Variants in SSTR4 observed in about 807,000 individuals in gnomAD.
SSTR4 encodes the protein somatostatin receptor 4.
For synonymous variants in SSTR4, 272 were observed against 246.3 expected (o/e 1.10, Z -0.98); for missense variants, 649 against 540.6 (o/e 1.20, Z -1.99).
rs1273245911 is a variant in SSTR4 at position 23,035,870 on chromosome 20, C to A, written c.387C>A (p.Asn129Lys). ...CGGTGCTCAGCGTCGACGGCCTCAACATGTTCACCAGCGTCTTCTGTCTCA... is the reference window on the plus strand; with the variant it reads ...CGGTGCTCAGCGTCGACGGCCTCAAAATGTTCACCAGCGTCTTCTGTCTCA... ...CRAVLSVDGL[N>K]MFTSVFCLTV... Residue 129 changes from asparagine to lysine, a missense_variant, in exon 1 of 1, where the codon AAC becomes AAA. Coordinates refer to ENST00000255008, the MANE Select transcript of SSTR4 (RefSeq NM_001052.4). 2 of 1,612,024 alleles carry A rather than the reference C, an allele frequency of 1.2e-6. No individual in the cohort carries two copies. Among genetic ancestry groups the A allele is most frequent in the African/African-American group, 1.3e-5 (1 of 75,030 alleles).
Position 23,036,121 on chromosome 20 carries a change from T to A in SSTR4, c.638T>A (p.Val213Asp). 1 of 1,604,490 alleles carries A rather than the reference T, an allele frequency of 6.2e-7. No homozygotes were observed. Among genetic ancestry groups the A allele is most frequent in the Non-Finnish European group, 8.5e-7 (1 of 1,179,742 alleles). The part of the protein sequence containing the change: ...PHPAWSAVFV[V>D]YTFLLGFLLP... Reference sequence around the variant, plus strand: ...CCGGCCTGGTCGGCAGTCTTCGTGGTCTACACTTTCCTGCTGGGCTTCCTG... The same window carrying A: ...CCGGCCTGGTCGGCAGTCTTCGTGGACTACACTTTCCTGCTGGGCTTCCTG... The change falls in exon 1 of 1, where the codon GTC becomes GAC. Residue 213 changes from valine (V) to aspartate (D), a missense_variant. Transcript: ENST00000255008.
chr20:23,036,566 C>T lies in SSTR4; in HGVS notation c.1083C>T (p.Cys361=). The change falls in exon 1 of 1, where the codon TGC becomes TGT. Residue 361 remains cysteine, a synonymous_variant. Coordinates refer to ENST00000255008, the MANE Select transcript of SSTR4 (RefSeq NM_001052.4). The part of the protein sequence containing the change: ...LKSKGGAGCM[C]PPLPCQQEAL... ...GCAAAGGTGGGGCAGGGTGCATGTG[C>T]CCCCCACTCCCCTGCCAGCAGGAAG... The T allele has an allele frequency of 1.2e-6, 2 of 1,605,572 alleles. No individual in the cohort carries two copies. Among genetic ancestry groups the T allele is most frequent in the South Asian group, 1.1e-5 (1 of 89,936 alleles).
rs150262767 is a variant in SSTR4 at position 23,038,754 on chromosome 20, G to A, written c.*2104G>A. On this transcript the variant is annotated 3_prime_UTR_variant, in exon 1 of 1. Transcript: ENST00000255008. Reference sequence around the variant, plus strand: ...GAGACACGCGAATCAAATGGTGGGAGGGCAGGAGATAGCACGCTTCTCTGC... The same window carrying A: ...GAGACACGCGAATCAAATGGTGGGAAGGCAGGAGATAGCACGCTTCTCTGC... 6.6e-6 allele frequency among the ~76,000 whole-genome samples: 1 copy of A among 152,204 alleles called. No individual in the cohort carries two copies. Among genetic ancestry groups the A allele is most frequent in the Non-Finnish European group, 1.5e-5 (1 of 68,040 alleles).
In SSTR4 at chr20:23,038,671, G is replaced by A. The variant is rs1984391719; in HGVS notation, c.*2021G>A. Among the ~76,000 whole-genome samples, 1 of 152,196 alleles carries A rather than the reference G, an allele frequency of 6.6e-6. No homozygotes were observed. The highest frequency in any genetic ancestry group is 2.4e-5 in the African/African-American group (1 of 41,446). ...TTCCCACTTGGAATATGTGCCAAGGGAGGTTCGAGTTTTGAGCTCTTCCCA... is the reference window on the plus strand; with the variant it reads ...TTCCCACTTGGAATATGTGCCAAGGAAGGTTCGAGTTTTGAGCTCTTCCCA... On this transcript the variant is annotated 3_prime_UTR_variant, in exon 1 of 1. Coordinates refer to ENST00000255008, the MANE Select transcript of SSTR4 (RefSeq NM_001052.4).
Position 23,037,537 on chromosome 20 carries a change from C to A in SSTR4, c.*887C>A, listed in dbSNP as rs1317619345. Reference sequence around the variant, plus strand: ...CCCAGGTTTTGGATAGAGGAAGCAGCTTCATCACCACCCCCTATTTTAGAA... The same window carrying A: ...CCCAGGTTTTGGATAGAGGAAGCAGATTCATCACCACCCCCTATTTTAGAA... On this transcript the variant is annotated 3_prime_UTR_variant, in exon 1 of 1. Coordinates refer to ENST00000255008, the MANE Select transcript of SSTR4 (RefSeq NM_001052.4). 2.0e-5 allele frequency among the ~76,000 whole-genome samples: 3 copies of A among 152,154 alleles called. No individual in the cohort carries two copies. Among genetic ancestry groups the A allele is most frequent in the Admixed American group, 6.5e-5 (1 of 15,280 alleles).
Position 23,038,735 on chromosome 20 carries a change from C to A in SSTR4, c.*2085C>A, listed in dbSNP as rs568684117. ...CATTGGCAGAGACACCGTGGAGACA[C>A]GCGAATCAAATGGTGGGAGGGCAGG... On this transcript the variant is annotated 3_prime_UTR_variant, in exon 1 of 1. Transcript: ENST00000255008. Among the ~76,000 whole-genome samples, 12 of 152,292 alleles carry A rather than the reference C, an allele frequency of 7.9e-5. No homozygotes were observed. The highest frequency in any genetic ancestry group is 2.1e-4 in the South Asian group (1 of 4,830).
chr20:23,036,572 A>G lies in SSTR4; in HGVS notation c.1089A>G (p.Pro363=). 1.2e-6 allele frequency: 2 copies of G among 1,603,872 alleles called. No individual in the cohort carries two copies. Among genetic ancestry groups the G allele is most frequent in the Non-Finnish European group, 1.7e-6 (2 of 1,175,528 alleles). ...SKGGAGCMCP[P]LPCQQEALQP... ...GTGGGGCAGGGTGCATGTGCCCCCCACTCCCCTGCCAGCAGGAAGCCCTGC... is the reference window on the plus strand; with the variant it reads ...GTGGGGCAGGGTGCATGTGCCCCCCGCTCCCCTGCCAGCAGGAAGCCCTGC... The change falls in exon 1 of 1, where the codon CCA becomes CCG. Residue 363 remains proline, a synonymous_variant. Coordinates refer to ENST00000255008, the MANE Select transcript of SSTR4 (RefSeq NM_001052.4).
Position 23,036,891 on chromosome 20 carries a change from T to A in SSTR4, c.*241T>A, listed in dbSNP as rs1984346078. 1 of 477,700 alleles carries A rather than the reference T, an allele frequency of 2.1e-6. No individual in the cohort carries two copies. The highest frequency in any genetic ancestry group is 3.7e-6 in the Non-Finnish European group (1 of 273,156). The allele number at this position is 477,700 out of a possible 1,614,324, so 29.6% of individuals were successfully genotyped here. A position where few individuals can be genotyped will look rare whatever the true frequency, so the allele number is the denominator to read the frequency against. Reference sequence around the variant, plus strand: ...CTCCTCTGGAAACTGGGCTAGGATATTAATCATTCCTGAACCTCTGGCTGT... The same window carrying A: ...CTCCTCTGGAAACTGGGCTAGGATAATAATCATTCCTGAACCTCTGGCTGT... On this transcript the variant is annotated 3_prime_UTR_variant, in exon 1 of 1. Coordinates refer to ENST00000255008, the MANE Select transcript of SSTR4 (RefSeq NM_001052.4).
In SSTR4 at chr20:23,038,737, C is replaced by T. The variant is rs1488704327; in HGVS notation, c.*2087C>T. 4.6e-5 allele frequency among the ~76,000 whole-genome samples: 7 copies of T among 152,192 alleles called. No homozygotes were observed. The highest frequency in any genetic ancestry group is 2.1e-4 in the South Asian group (1 of 4,830). ...TTGGCAGAGACACCGTGGAGACACG[C>T]GAATCAAATGGTGGGAGGGCAGGAG... is the stretch of plus-strand genomic sequence containing the variant. On this transcript the variant is annotated 3_prime_UTR_variant, in exon 1 of 1. Coordinates refer to ENST00000255008, the MANE Select transcript of SSTR4 (RefSeq NM_001052.4).
Position 23,036,044 on chromosome 20 carries a change from C to A in SSTR4, c.561C>A (p.Thr187=). The A allele has an allele frequency of 6.3e-7, 1 of 1,585,318 alleles. No homozygotes were observed. Among genetic ancestry groups the A allele is most frequent in the Admixed American group, 1.7e-5 (1 of 58,414 alleles). Reference sequence around the variant, plus strand: ...TCCCCATCGCCATCTTCGCAGACACCAGACCGGCTCGCGGCGGCCAGGCCG... The same window carrying A: ...TCCCCATCGCCATCTTCGCAGACACAAGACCGGCTCGCGGCGGCCAGGCCG... ...VTLPIAIFAD[T]RPARGGQAVA... Residue 187 remains threonine (T), a synonymous_variant, in exon 1 of 1, where the codon ACC becomes ACA. Coordinates refer to ENST00000255008, the MANE Select transcript of SSTR4 (RefSeq NM_001052.4).
chr20:23,035,407 C>G lies in SSTR4; in HGVS notation c.-77C>G. 8.7e-6 allele frequency: 10 copies of G among 1,145,374 alleles called. No individual in the cohort carries two copies. Among genetic ancestry groups the G allele is most frequent in the Non-Finnish European group, 1.1e-5 (10 of 908,694 alleles). The allele number at this position is 1,145,374 out of a possible 1,614,324, so 71.0% of individuals were successfully genotyped here. A position where few individuals can be genotyped will look rare whatever the true frequency, so the allele number is the denominator to read the frequency against. On this transcript the variant is annotated 5_prime_UTR_variant, in exon 1 of 1. Coordinates refer to ENST00000255008, the MANE Select transcript of SSTR4 (RefSeq NM_001052.4). ...GCGCGTCTGCGCGCCAGCCCCCGCC[C>G]TGGGCCCGCCGCCCGAGCTCTCTGG...
In SSTR4 at chr20:23,036,542, C is replaced by G; in HGVS notation, c.1059C>G (p.Ser353Arg). 6.2e-7 allele frequency: 1 copy of G among 1,613,162 alleles called. No homozygotes were observed. The highest frequency in any genetic ancestry group is 8.5e-7 in the Non-Finnish European group (1 of 1,179,744). Residue 353 changes from serine (S) to arginine (R), a missense_variant, in exon 1 of 1, where the codon AGC (serine) becomes AGG (arginine). Transcript: ENST00000255008. Reference protein sequence around the residue: ...PLDYYATALKSKGGAGCMCPP... With the variant: ...PLDYYATALKRKGGAGCMCPP... ...ACTACTATGCCACTGCTCTCAAGAGCAAAGGTGGGGCAGGGTGCATGTGCC... is the reference window on the plus strand; with the variant it reads ...ACTACTATGCCACTGCTCTCAAGAGGAAAGGTGGGGCAGGGTGCATGTGCC...
Position 23,035,650 on chromosome 20 carries a change from T to G in SSTR4, c.167T>G (p.Leu56Arg). 1.3e-6 allele frequency: 2 copies of G among 1,538,302 alleles called. No individual in the cohort carries two copies. The highest frequency in any genetic ancestry group is 1.7e-6 in the Non-Finnish European group (2 of 1,144,238). Residue 56 changes from leucine (L) to arginine (R), a missense_variant, in exon 1 of 1, where the codon CTG (leucine) becomes CGG (arginine). Physicochemically the swap from Leu to Arg is moderately radical, Grantham distance 102. Transcript: ENST00000255008. Reference sequence around the variant, plus strand: ...GTCGCTATCCAGTGCATCTACGCGCTGGTGTGCCTGGTGGGGCTGGTGGGC... The same window carrying G: ...GTCGCTATCCAGTGCATCTACGCGCGGGTGTGCCTGGTGGGGCTGGTGGGC... ...GMVAIQCIYA[L>R]VCLVGLVGNA...
In SSTR4 at chr20:23,036,153, G is replaced by T. The variant is rs200066630; in HGVS notation, c.670G>T (p.Val224Leu). 5.8e-5 allele frequency: 93 copies of T among 1,608,630 alleles called. No homozygotes were observed. The East Asian group carries it at 1.1e-3, about 19-fold the overall frequency. Residue 224 changes from valine to leucine, a missense_variant, in exon 1 of 1, where the codon GTG (valine) becomes TTG (leucine). Coordinates refer to ENST00000255008, the MANE Select transcript of SSTR4 (RefSeq NM_001052.4). ...TTTCCTGCTGGGCTTCCTGCTGCCC[G>T]TGCTGGCCATTGGCCTGTGCTACCT... ...YTFLLGFLLP[V>L]LAIGLCYLLI... is the part of the protein sequence containing the mutation.
chr20:23,035,911 A>G lies in SSTR4; in HGVS notation c.428A>G (p.Asp143Gly), dbSNP rs1431380282. Reference protein sequence around the residue: ...SVFCLTVLSVDRYVAVVHPLR... With the variant: ...SVFCLTVLSVGRYVAVVHPLR... ...TTCTGTCTCACCGTGCTCAGCGTGG[A>G]CCGCTACGTGGCCGTGGTGCACCCT... Residue 143 changes from aspartate (D) to glycine (G), a missense_variant, in exon 1 of 1, where the codon GAC (aspartate) becomes GGC (glycine). Asp to Gly is a moderately conservative substitution (Grantham distance 94). Transcript: ENST00000255008. 3.1e-6 allele frequency: 5 copies of G among 1,612,894 alleles called. No individual in the cohort carries two copies. Among genetic ancestry groups the G allele is most frequent in the Non-Finnish European group, 4.2e-6 (5 of 1,179,662 alleles).
At position 23,035,639 on chromosome 20, in the gene SSTR4, C is replaced by G; in HGVS notation, c.156C>G (p.Cys52Trp). 1 of 1,541,002 alleles carries G rather than the reference C, an allele frequency of 6.5e-7. No homozygotes were observed. Among genetic ancestry groups the G allele is most frequent in the South Asian group, 1.3e-5 (1 of 78,636 alleles). Residue 52 changes from cysteine to tryptophan, a missense_variant, in exon 1 of 1, where the codon TGC becomes TGG. Physicochemically the swap from Cys to Trp is radical, Grantham distance 215. Coordinates refer to ENST00000255008, the MANE Select transcript of SSTR4 (RefSeq NM_001052.4). ...CGGCGGGCATGGTCGCTATCCAGTG[C>G]ATCTACGCGCTGGTGTGCCTGGTGG... Reference protein sequence around the residue: ...ARAAGMVAIQCIYALVCLVGL... With the variant: ...ARAAGMVAIQWIYALVCLVGL...
Position 23,035,869 on chromosome 20 carries a change from A to G in SSTR4, c.386A>G (p.Asn129Ser), listed in dbSNP as rs769276978. ...CRAVLSVDGL[N>S]MFTSVFCLTV... ...GCGGTGCTCAGCGTCGACGGCCTCA[A>G]CATGTTCACCAGCGTCTTCTGTCTC... Residue 129 changes from asparagine (N) to serine (S), a missense_variant, in exon 1 of 1, where the codon AAC (asparagine) becomes AGC (serine). Coordinates refer to ENST00000255008, the MANE Select transcript of SSTR4 (RefSeq NM_001052.4). 4 of 1,612,084 alleles carry G rather than the reference A, an allele frequency of 2.5e-6. No homozygotes were observed. The highest frequency in any genetic ancestry group is 3.4e-6 in the Non-Finnish European group (4 of 1,179,028).
Position 23,036,126 on chromosome 20 carries a change from A to G in SSTR4, c.643A>G (p.Thr215Ala), listed in dbSNP as rs768850107. Residue 215 changes from threonine (T) to alanine (A), a missense_variant, in exon 1 of 1, where the codon ACT becomes GCT. Coordinates refer to ENST00000255008, the MANE Select transcript of SSTR4 (RefSeq NM_001052.4). ...PAWSAVFVVY[T>A]FLLGFLLPVL... ...CTGGTCGGCAGTCTTCGTGGTCTAC[A>G]CTTTCCTGCTGGGCTTCCTGCTGCC... 41 of 1,604,992 alleles carry G rather than the reference A, an allele frequency of 2.6e-5. No homozygotes were observed. The African/African-American group carries it at 4.9e-4, about 19-fold the overall frequency.
In SSTR4 at chr20:23,035,914, G is replaced by T. The variant is rs1450879621; in HGVS notation, c.431G>T (p.Arg144Leu). Residue 144 changes from arginine (R) to leucine (L), a missense_variant, in exon 1 of 1, where the codon CGC becomes CTC. Physicochemically the swap from Arg to Leu is moderately radical, Grantham distance 102 (BLOSUM62 -2). Transcript: ENST00000255008. ...TGTCTCACCGTGCTCAGCGTGGACC[G>T]CTACGTGGCCGTGGTGCACCCTCTG... ...VFCLTVLSVD[R>L]YVAVVHPLRA... 6.2e-7 allele frequency: 1 copy of T among 1,612,808 alleles called. No homozygotes were observed. The highest frequency in any genetic ancestry group is 8.5e-7 in the Non-Finnish European group (1 of 1,179,660).
Sources: allele counts gnomAD v4.1 joint callset (sites outside exome capture counted in the v4.1 genomes callset), GRCh38; gene constraint gnomAD v4.1.1; transcripts MANE v1.5; gene names NCBI Gene and HGNC (gene_info 2026-07-23, HGNC 2026-07-21).